FANK1: variants seen among roughly 807,000 people sequenced by gnomAD.
FANK1 encodes fibronectin type 3 and ankyrin repeat domains protein 1.
Under a neutral mutation model 45.3 loss-of-function variants are expected in FANK1, and 44 were observed. The observed-to-expected ratio is 0.97, with a 90% CI of 0.76 to 1.25. The LOEUF (loss-of-function observed/expected upper bound fraction) is 1.25. Ranked by LOEUF, FANK1 falls within the 50% of genes most tolerant of loss-of-function variation. The pLI is 0.00. For missense variants in FANK1, 391 were observed against 424.4 expected, an observed-to-expected ratio of 0.92 and a Z score of 0.69; for synonymous variants, 149 against 152.5, an observed-to-expected ratio of 0.98 and a Z score of 0.17.
chr10:125,950,024 C>CCT (rs1474157973), intron 1 of FANK1, among the ~76,000 whole-genome samples: 1 of 128,038 alleles, frequency 7.8e-6, no homozygotes, highest in Non-Finnish European at 1.7e-5. Context: ...GAAAGGATTC[C>CCT]CTATTTAATA....
intron 1 of FANK1, among the ~76,000 whole-genome samples, chr10:125,909,769 C>A (rs113330884): frequency 6.7e-6 from 1 of 149,950 alleles, no homozygotes; most frequent in Non-Finnish European, 1.5e-5. Flanking sequence ...TCAAGCAAAC[C>A]TCCTGCCTTG....
intron 1 of FANK1, among the ~76,000 whole-genome samples, chr10:125,925,729 C>T (rs1947301547): frequency 6.6e-6 from 1 of 151,128 alleles, no homozygotes. Context: ...CTTTTAAAAT[C>T]ATTCAATATC....
chr10:125,942,533 C>T (rs1472599747), intron 1 of FANK1, among the ~76,000 whole-genome samples: 6 of 151,558 alleles, frequency 4.0e-5, no homozygotes, highest in Admixed American at 2.6e-4. Flanking sequence ...CATTTTTTAA[C>T]GAAAAGAATA....
At chr10:125,899,210 G>A (rs555376805) in intron 1 of FANK1, among the ~76,000 whole-genome samples, 18 of 152,252 alleles carry the variant, frequency 1.2e-4, no homozygotes, top group Admixed American at 3.9e-4. Context: ...ACAGGCATGC[G>A]CCACCATGCC....
intron 1 of FANK1, among the ~76,000 whole-genome samples, chr10:125,915,647 CA>C (rs142651887): frequency 6.6e-6 from 1 of 152,078 alleles, no homozygotes; most frequent in Admixed American, 6.5e-5. Context: ...CCTGTCTCTA[CA>C]AAAAAAGTTC....
At chr10:125,988,269 TGTC>T (rs1383521842) in intron 2 of FANK1, among the ~76,000 whole-genome samples, 13 of 152,324 alleles carry the variant, frequency 8.5e-5, no homozygotes, top group African/African-American at 3.1e-4. Flanking sequence ...TGAGGGCAAA[TGTC>T]GTGGTTAACG....
At chr10:126,005,474 AT>A (rs1953125554) in intron 7 of FANK1, among the ~76,000 whole-genome samples, 2 of 151,636 alleles carry the variant, frequency 1.3e-5, no homozygotes, top group Admixed American at 6.6e-5. Context: ...TGCCCAACTA[AT>A]TTTTGTATTT....
intron 1 of FANK1, among the ~76,000 whole-genome samples, chr10:125,954,558 A>G (rs1392396794): frequency 1.3e-5 from 2 of 149,578 alleles, no homozygotes; most frequent in African/African-American, 2.4e-5. Context: ...AAATCTCAGA[A>G]AAAATTTCAA....
intron 6 of FANK1, among the ~76,000 whole-genome samples, chr10:126,002,339 A>AT (rs1276609455): frequency 2.6e-5 from 4 of 152,170 alleles, no homozygotes; most frequent in African/African-American, 9.7e-5. Context: ...AGTCATGCAG[A>AT]CAATTAGAGT....
chr10:125,934,199 G>A (rs796423110), intron 1 of FANK1, among the ~76,000 whole-genome samples: 11 of 152,218 alleles, frequency 7.2e-5, no homozygotes, highest in African/African-American at 2.4e-4. Context: ...TATTAAAATT[G>A]TGCTGTATTT....
intron 1 of FANK1, among the ~76,000 whole-genome samples, chr10:125,928,147 TAGA>T (rs1329505421): frequency 6.6e-6 from 1 of 151,906 alleles, no homozygotes; most frequent in African/African-American, 2.4e-5. Context: ...ATTAAGAAAG[TAGA>T]AGAATAAAAG....
intron 1 of FANK1, among the ~76,000 whole-genome samples, chr10:125,908,747 G>A (rs1057011789): frequency 7.9e-5 from 12 of 151,394 alleles, no homozygotes; most frequent in Non-Finnish European, 1.6e-4. Context: ...AAAACCTATT[G>A]AAATAAAAAA....
chr10:125,996,510 G>A lies in FANK1; in HGVS notation c.399-40G>A, dbSNP rs1419380285. The A allele has an allele frequency of 3.7e-6, 6 of 1,600,672 alleles. No individual in the cohort carries two copies. The South Asian group carries it at 5.5e-5, about 15-fold the overall frequency. On this transcript the variant is annotated intron_variant, in intron 4 of 10. Transcript: ENST00000368693. ...CACCGGCTTTGACTCTGCAGTAGCTGTACTGAGCATGTTTATCTCTTTTCT... is the reference window on the plus strand; with the variant it reads ...CACCGGCTTTGACTCTGCAGTAGCTATACTGAGCATGTTTATCTCTTTTCT...
intron 6 of FANK1, among the ~76,000 whole-genome samples, chr10:126,003,523 A>G (rs1952933547): frequency 1.3e-5 from 2 of 152,138 alleles, no homozygotes; most frequent in East Asian, 1.9e-4. Flanking sequence ...TCTCACAGGT[A>G]GTGATTCTAG....
At chr10:125,920,294 C>CT (rs1246483613) in intron 1 of FANK1, among the ~76,000 whole-genome samples, 3 of 152,026 alleles carry the variant, frequency 2.0e-5, no homozygotes, top group Non-Finnish European at 1.5e-5. Context: ...CATTTCTGGC[C>CT]TTTGAGTCTT....
chr10:125,999,136 C>A (rs184144244), intron 6 of FANK1, among the ~76,000 whole-genome samples: 7 of 151,668 alleles, frequency 4.6e-5, no homozygotes, highest in Non-Finnish European at 7.4e-5. Context: ...AGGTGAAAAC[C>A]TTTATTTGTG....
At chr10:125,979,411 A>C (rs1951055037) in intron 1 of FANK1, among the ~76,000 whole-genome samples, 1 of 152,042 alleles carries the variant, frequency 6.6e-6, no homozygotes, top group Non-Finnish European at 1.5e-5. Flanking sequence ...TGAGACAGGG[A>C]TATGTGTATT....
chr10:125,999,915 C>G (rs1304581923), intron 6 of FANK1, among the ~76,000 whole-genome samples: 1 of 152,130 alleles, frequency 6.6e-6, no homozygotes, highest in African/African-American at 2.4e-5. Context: ...TGATTTATTT[C>G]CTGTAGAACC....
At chr10:125,922,592 C>T (rs1346749467) in intron 1 of FANK1, among the ~76,000 whole-genome samples, 5 of 152,224 alleles carry the variant, frequency 3.3e-5, no homozygotes, top group Admixed American at 3.3e-4. Flanking sequence ...TCAGGGATCA[C>T]TGCATTCTCA....
Sources: allele counts gnomAD v4.1 joint callset (sites outside exome capture counted in the v4.1 genomes callset), GRCh38; gene constraint gnomAD v4.1.1; transcripts MANE v1.5; gene names NCBI Gene and HGNC (gene_info 2026-07-23, HGNC 2026-07-21).